GPR84: variants seen among roughly 807,000 people sequenced by gnomAD.
GPR84 encodes G-protein coupled receptor 84.
GPR84 carries 8 observed loss-of-function variants against 14.9 expected under a neutral mutation model. The observed-to-expected ratio is 0.54, with a 90% CI of 0.31 to 0.97. The LOEUF is 0.97. Among genes scored for constraint, GPR84 ranks in the 50% least tolerant of loss-of-function variants. GPR84 has a pLI of 0.04. For synonymous variants in GPR84, 164 were observed against 198.1 expected, an observed-to-expected ratio of 0.83 and a Z score of 1.45; for missense variants, 424 against 498.7, an observed-to-expected ratio of 0.85 and a Z score of 1.43.
the GPR84 span, among the ~76,000 whole-genome samples, chr12:54,357,172 T>C: frequency 2.0e-5 from 3 of 152,100 alleles, no homozygotes; most frequent in Non-Finnish European, 4.4e-5. Context: ...CTCCTTCCCC[T>C]CTCTGTAGCC....
At chr12:54,355,840 G>A in the GPR84 span, among the ~76,000 whole-genome samples, 7 of 152,160 alleles carry the variant, frequency 4.6e-5, no homozygotes, top group Admixed American at 2.6e-4. Flanking sequence ...GCCGGATGCC[G>A]GGAGGCTGGA....
At chr12:54,353,478 G>A in the GPR84 span, among the ~76,000 whole-genome samples, 12 of 140,502 alleles carry the variant, frequency 8.5e-5, no homozygotes, top group South Asian at 4.4e-4. Flanking sequence ...ACCCCACTGA[G>A]CTCAGGCAGA....
chr12:54,358,027 CAGG>C (rs1265850959), downstream of GPR84, among the ~76,000 whole-genome samples: 26 of 152,114 alleles, frequency 1.7e-4, no homozygotes, highest in Admixed American at 1.7e-3. Context: ...TTCTCTGGCT[CAGG>C]AGGAGAGGGA....
the GPR84 span, chr12:54,351,740 CG>C: frequency 6.6e-6 from 1 of 152,166 alleles, no homozygotes; most frequent in Admixed American, 6.5e-5. Flanking sequence ...GGGCAGATAA[CG>C]GGGCATATTT....
the GPR84 span, among the ~76,000 whole-genome samples, chr12:54,354,386 G>C: frequency 4.6e-5 from 7 of 152,020 alleles, no homozygotes; most frequent in African/African-American, 1.7e-4. Flanking sequence ...CAAAGTGGTG[G>C]GATTACAGGC....
chr12:54,352,209 A>G, the GPR84 span, among the ~76,000 whole-genome samples: 6 of 151,494 alleles, frequency 4.0e-5, no homozygotes, highest in African/African-American at 1.5e-4. Flanking sequence ...CACTTCCTGC[A>G]CCTCCCACTC....
chr12:54,364,156 G>A (rs952242780), intron 1 of GPR84: 4 of 248,740 alleles, frequency 1.6e-5, no homozygotes, highest in South Asian at 2.1e-4. Context: ...TATCCATCCC[G>A]CTGCTCTCAG....
At position 54,363,218 on chromosome 12, in the gene GPR84, G is replaced by T; in HGVS notation, c.634C>A (p.Leu212Met). The T allele has an allele frequency of 6.2e-7, 1 of 1,614,238 alleles. No individual in the cohort carries two copies. Among genetic ancestry groups the T allele is most frequent in the Admixed American group, 1.7e-5 (1 of 60,028 alleles). Residue 212 changes from leucine (L) to methionine (M), a missense_variant, in exon 2 of 2, where the codon CTG becomes ATG. By Grantham distance (15) the Leu-to-Met change is conservative (BLOSUM62 2). Transcript: ENST00000267015. ...HRQVKRAAQA[L>M]DQYKLRQASI... ...GCCTGTCGCAACTTGTATTGGTCCAGTGCCTGTGCTGCTCGTTTGACCTGG... is the reference window on the plus strand; with the variant it reads ...GCCTGTCGCAACTTGTATTGGTCCATTGCCTGTGCTGCTCGTTTGACCTGG...
chr12:54,358,595 A>T (rs1233979469), downstream of GPR84, among the ~76,000 whole-genome samples: 1 of 151,564 alleles, frequency 6.6e-6, no homozygotes, highest in Non-Finnish European at 1.5e-5. Context: ...TTTCAGAGCC[A>T]TTGTGTGAAA....
At chr12:54,350,853 C>T in the GPR84 span, 1 of 352,730 alleles carries the variant, frequency 2.8e-6, no homozygotes, top group Non-Finnish European at 5.4e-6. Context: ...TGTAGCTACA[C>T]TTCAGATTAA....
chr12:54,357,071 A>G, the GPR84 span, among the ~76,000 whole-genome samples: 1 of 152,244 alleles, frequency 6.6e-6, no homozygotes, highest in South Asian at 2.1e-4. Context: ...ACAGATCTGC[A>G]GTTCTGCCCT....
the GPR84 span, chr12:54,353,670 C>G: frequency 1.3e-5 from 2 of 152,302 alleles, no homozygotes; most frequent in African/African-American, 4.8e-5. Context: ...TATGTAAACT[C>G]CAGCTCCTGG....
At chr12:54,352,957 C>G in the GPR84 span, among the ~76,000 whole-genome samples, 1 of 152,298 alleles carries the variant, frequency 6.6e-6, no homozygotes. Flanking sequence ...CCTAATCTTC[C>G]TACTCACCAC....
downstream of GPR84, among the ~76,000 whole-genome samples, chr12:54,361,891 G>T (rs1335340967): frequency 6.6e-6 from 1 of 152,246 alleles, no homozygotes; most frequent in Non-Finnish European, 1.5e-5. The surrounding 1 kb of genome is among the most constrained non-coding windows in gnomAD (Gnocchi z 4.3). Flanking sequence ...CCATGGGCAG[G>T]ACCCTGCCAG....
At chr12:54,354,527 G>A in the GPR84 span, among the ~76,000 whole-genome samples, 2 of 151,990 alleles carry the variant, frequency 1.3e-5, no homozygotes, top group African/African-American at 4.8e-5. Flanking sequence ...CCGCCTCCCG[G>A]GTTCAAGCGA....
rs748618186 is a variant in GPR84 at position 54,363,043 on chromosome 12, T to A, written c.809A>T (p.Asp270Val). 1.2e-6 allele frequency: 2 copies of A among 1,614,106 alleles called. No individual in the cohort carries two copies. Among genetic ancestry groups the A allele is most frequent in the African/African-American group, 2.7e-5 (2 of 74,996 alleles). The change falls in exon 2 of 2, where the codon GAC (aspartate) becomes GTC (valine). Residue 270 changes from aspartate (D) to valine (V), a missense_variant. By Grantham distance (152) the Asp-to-Val change is radical. Transcript: ENST00000267015. ...SAATTQTLEG[D>V]SSEVGDQINS... ...GATCTGGTCTCCCACTTCTGATGAGTCCCCTTCCAGGGTCTGGGTGGTGGC... is the reference window on the plus strand; with the variant it reads ...GATCTGGTCTCCCACTTCTGATGAGACCCCTTCCAGGGTCTGGGTGGTGGC...
the GPR84 span, among the ~76,000 whole-genome samples, chr12:54,354,342 C>T: frequency 6.6e-6 from 1 of 151,850 alleles, no homozygotes; most frequent in South Asian, 2.1e-4. Flanking sequence ...GTCTTGAACT[C>T]CTGGGCTCAA....
At chr12:54,355,327 A>AGTGTGTGT in the GPR84 span, among the ~76,000 whole-genome samples, 13,480 of 146,858 alleles carry the variant, frequency 0.092, 781 homozygotes, top group Admixed American at 0.16. Context: ...TGTGTGTGTG[A>AGTGTGTGT]GTGTGTGTGT....
downstream of GPR84, among the ~76,000 whole-genome samples, chr12:54,359,742 C>T (rs1407638707): frequency 1.3e-5 from 2 of 152,148 alleles, no homozygotes; most frequent in African/African-American, 4.8e-5. Flanking sequence ...CCTCACTCGC[C>T]AAGCACAACC....
Sources: allele counts gnomAD v4.1 joint callset (sites outside exome capture counted in the v4.1 genomes callset), GRCh38; gene constraint gnomAD v4.1.1; non-coding constraint Gnocchi (gnomAD v3.1); transcripts MANE v1.5; gene names NCBI Gene and HGNC (gene_info 2026-07-23, HGNC 2026-07-21).